Variants in ALG14 observed in about 807,000 individuals in gnomAD.
The protein encoded by ALG14 is UDP-N-acetylglucosamine transferase subunit ALG14.
Under a neutral mutation model 22.8 loss-of-function variants are expected in ALG14, and 17 were observed. The ratio of observed to expected loss-of-function variants is 0.75; its 90% confidence interval spans 0.51 to 1.12. The LOEUF is 1.12. Ranked by LOEUF, ALG14 falls within the 50% of genes most tolerant of loss-of-function variation. The probability of loss-of-function intolerance (pLI) is 0.00; values close to 1 mark genes in which losing one functional copy is unlikely to be tolerated. For missense variants in ALG14, 288 were observed against 271.8 expected (o/e 1.06, Z -0.42); for synonymous variants, 89 against 103.7 (o/e 0.86, Z 0.86).
At chr1:95,059,215 G>A (rs1401959949) in intron 2 of ALG14, among the ~76,000 whole-genome samples, 2 of 151,684 alleles carry the variant, frequency 1.3e-5, no homozygotes, top group Non-Finnish European at 2.9e-5. Flanking sequence ...TGGCTAACAT[G>A]GGGAAACCCC....
At chr1:95,042,474 A>G (rs939327471) in intron 2 of ALG14, among the ~76,000 whole-genome samples, 5 of 152,168 alleles carry the variant, frequency 3.3e-5, no homozygotes, top group African/African-American at 1.2e-4. Flanking sequence ...CTCTAGGACC[A>G]CCTATGAAGT....
chr1:95,007,475 T>A (rs1270432869), intron 3 of ALG14, among the ~76,000 whole-genome samples: 1 of 152,354 alleles, frequency 6.6e-6, no homozygotes, highest in Non-Finnish European at 1.5e-5. Flanking sequence ...GAATCTGGTA[T>A]GTATCTGGAA....
intron 2 of ALG14, among the ~76,000 whole-genome samples, chr1:95,047,352 A>AT (rs1376011236): frequency 2.0e-5 from 3 of 151,140 alleles, no homozygotes; most frequent in South Asian, 2.1e-4. Flanking sequence ...ATATTTATTT[A>AT]TTTTTTTTTA....
At chr1:95,029,907 T>C (rs1673945426) in intron 2 of ALG14, among the ~76,000 whole-genome samples, 1 of 152,332 alleles carries the variant, frequency 6.6e-6, no homozygotes, top group South Asian at 2.1e-4. Flanking sequence ...CAAATCAATG[T>C]TTTTCCTTCC....
At chr1:95,065,709 T>C (rs1477118337) in intron 1 of ALG14, among the ~76,000 whole-genome samples, 2 of 152,162 alleles carry the variant, frequency 1.3e-5, no homozygotes, top group African/African-American at 4.8e-5. Context: ...CTAAGAAACA[T>C]CTTTTGTTCA....
At chr1:95,026,462 A>ATGTGTGTGTGTGTGTG (rs141495807) in intron 3 of ALG14, among the ~76,000 whole-genome samples, 8 of 142,352 alleles carry the variant, frequency 5.6e-5, no homozygotes, top group South Asian at 2.4e-4. Flanking sequence ...AGCCCAAGGA[A>ATGTGTGTGTGTGTGTG]TGTGTGTGTG....
At chr1:95,071,980 G>A (rs1452492785) in intron 1 of ALG14, among the ~76,000 whole-genome samples, 1 of 152,150 alleles carries the variant, frequency 6.6e-6, no homozygotes, top group African/African-American at 2.4e-5. Flanking sequence ...TCAGCACTCC[G>A]TGGCAAGTAA....
At chr1:95,044,206 C>A (rs1674472486) in intron 2 of ALG14, among the ~76,000 whole-genome samples, 1 of 152,182 alleles carries the variant, frequency 6.6e-6, no homozygotes, top group Admixed American at 6.5e-5. Flanking sequence ...CTGATGCAAG[C>A]CACATTATCT....
intron 3 of ALG14, among the ~76,000 whole-genome samples, chr1:94,999,656 C>T (rs770678226): frequency 1.8e-4 from 27 of 152,176 alleles, no homozygotes; most frequent in Non-Finnish European, 3.1e-4. Flanking sequence ...CTGGCCAAGT[C>T]CATCTCTCCT....
At chr1:95,071,416 C>T (rs1248198060) in intron 1 of ALG14, among the ~76,000 whole-genome samples, 7 of 151,684 alleles carry the variant, frequency 4.6e-5, no homozygotes, top group African/African-American at 1.7e-4. Context: ...TGTGGTGGTG[C>T]GCCTGTAATC....
At chr1:95,044,449 AGT>A (rs1173646849) in intron 2 of ALG14, among the ~76,000 whole-genome samples, 2 of 152,128 alleles carry the variant, frequency 1.3e-5, no homozygotes, top group Admixed American at 1.3e-4. Context: ...TCTCCTCTTC[AGT>A]GTCTCTCCTT....
chr1:95,054,033 C>CAAACAACAAA (rs1674845945), intron 2 of ALG14, among the ~76,000 whole-genome samples: 1 of 152,096 alleles, frequency 6.6e-6, no homozygotes, highest in African/African-American at 2.4e-5. Context: ...AACCTTGCCT[C>CAAACAACAAA]AAACAACAAA....
chr1:95,028,400 T>C (rs1166322736), intron 2 of ALG14, among the ~76,000 whole-genome samples: 2 of 152,202 alleles, frequency 1.3e-5, no homozygotes, highest in South Asian at 2.1e-4. Flanking sequence ...GTTCTCGCCA[T>C]GTTGCCCAGT....
chr1:95,011,842 T>A (rs1198996224), intron 3 of ALG14, among the ~76,000 whole-genome samples: 1 of 152,216 alleles, frequency 6.6e-6, no homozygotes, highest in African/African-American at 2.4e-5. Flanking sequence ...AAAAACTATA[T>A]GTGACTAAGT....
Position 94,983,239 on chromosome 1 carries a change from C to A in ALG14, c.488G>T (p.Gly163Val), listed in dbSNP as rs1481979977. The change falls in exon 4 of 4, where the codon GGA (glycine) becomes GTA (valine). Residue 163 changes from glycine to valine, a missense_variant. Coordinates refer to ENST00000370205, the MANE Select transcript of ALG14 (RefSeq NM_144988.4). ...CVSALLLGIL[G>V]IKKVIIVYVE... is the part of the protein sequence containing the mutation. ...GTAGACAATGATCACTTTCTTTATT[C>A]CTAGTATCCCAAGGAGAAGGGCAGA... is the stretch of plus-strand genomic sequence containing the variant. 1 of 1,614,004 alleles carries A rather than the reference C, an allele frequency of 6.2e-7. No homozygotes were observed. The highest frequency in any genetic ancestry group is 8.5e-7 in the Non-Finnish European group (1 of 1,180,042).
At chr1:95,020,668 C>T (rs1039480333) in intron 3 of ALG14, among the ~76,000 whole-genome samples, 1 of 151,010 alleles carries the variant, frequency 6.6e-6, no homozygotes, top group Non-Finnish European at 1.5e-5. Flanking sequence ...AACCCAGGAT[C>T]CAGAGGTCAC....
rs199846785 is a variant in ALG14, at chr1:94,983,181, G to A, written c.546C>T (p.Ser182=). 1.9e-5 allele frequency: 30 copies of A among 1,614,074 alleles called. No homozygotes were observed. The Middle Eastern group carries it at 4.9e-4, about 27-fold the overall frequency. Residue 182 remains serine, a synonymous_variant, in exon 4 of 4, where the codon TCC becomes TCT. Transcript: ENST00000370205. Reference sequence around the variant, plus strand: ...GATGAAACAGAATCTTTCCGGACATGGATAACGTTTCTACACGGCAGATGC... The same window carrying A: ...GATGAAACAGAATCTTTCCGGACATAGATAACGTTTCTACACGGCAGATGC... The part of the protein sequence containing the change: ...VESICRVETL[S]MSGKILFHLS...
At chr1:95,007,831 G>C (rs571749130) in intron 3 of ALG14, among the ~76,000 whole-genome samples, 1 of 152,346 alleles carries the variant, frequency 6.6e-6, no homozygotes, top group East Asian at 1.9e-4. Flanking sequence ...AGCCATGGAA[G>C]TCTAAGCACT....
chr1:95,064,614 C>T (rs1304334905), intron 2 of ALG14, among the ~76,000 whole-genome samples: 1 of 152,200 alleles, frequency 6.6e-6, no homozygotes, highest in Non-Finnish European at 1.5e-5. Context: ...ATCAACCTTG[C>T]ATCCCGGGTA....
Sources: allele counts gnomAD v4.1 joint callset (sites outside exome capture counted in the v4.1 genomes callset), GRCh38; gene constraint gnomAD v4.1.1; transcripts MANE v1.5; gene names NCBI Gene and HGNC (gene_info 2026-07-23, HGNC 2026-07-21).